LOC400499: variants seen among roughly 807,000 people sequenced by gnomAD.
At chr16:11,445,815 A>T in the LOC400499 span, among the ~76,000 whole-genome samples, 1 of 147,008 alleles carries the variant, frequency 6.8e-6, no homozygotes, top group Non-Finnish European at 1.5e-5. Context: ...AATGAAACAG[A>T]GAACCCAGTC....
At chr16:11,423,476 AG>A in the LOC400499 span, among the ~76,000 whole-genome samples, 1 of 152,248 alleles carries the variant, frequency 6.6e-6, no homozygotes, top group African/African-American at 2.4e-5. Flanking sequence ...CCTCCACGCC[AG>A]GCACGGTGCT....
At chr16:11,521,640 G>C in the LOC400499 span, among the ~76,000 whole-genome samples, 1 of 152,086 alleles carries the variant, frequency 6.6e-6, no homozygotes, top group Admixed American at 6.6e-5. Context: ...ATGGCTCTCA[G>C]TCCACCCCTA....
the LOC400499 span, among the ~76,000 whole-genome samples, chr16:11,497,460 C>T: frequency 4.6e-5 from 7 of 152,270 alleles, no homozygotes; most frequent in South Asian, 4.1e-4. Flanking sequence ...TGGGAGGGGC[C>T]GCCTGCTGGA....
the LOC400499 span, among the ~76,000 whole-genome samples, chr16:11,526,295 G>T: frequency 6.6e-5 from 10 of 152,266 alleles, no homozygotes; most frequent in African/African-American, 2.4e-4. Flanking sequence ...TTTCAGCCTG[G>T]TGCAGTGGCT....
chr16:11,391,769 T>A, the LOC400499 span: 15 of 1,232,120 alleles, frequency 1.2e-5, no homozygotes, highest in Non-Finnish European at 1.5e-5. Context: ...AAGTGGCTAC[T>A]GCCCAACCAC....
chr16:11,506,772 A>G, the LOC400499 span, among the ~76,000 whole-genome samples: 3 of 152,034 alleles, frequency 2.0e-5, no homozygotes, highest in Non-Finnish European at 4.4e-5. Flanking sequence ...TGAAAAACAA[A>G]CCTTGTCTCC....
the LOC400499 span, among the ~76,000 whole-genome samples, chr16:11,517,275 G>A: frequency 2.0e-5 from 3 of 152,062 alleles, no homozygotes; most frequent in African/African-American, 7.2e-5. Context: ...CCCTGAAAAT[G>A]GTGCATAAGC....
chr16:11,508,908 G>C, the LOC400499 span: 2 of 398,814 alleles, frequency 5.0e-6, no homozygotes, highest in Non-Finnish European at 8.8e-6. Flanking sequence ...GCCAGAGTGA[G>C]CTAGAAAGCC....
At chr16:11,443,159 A>G in the LOC400499 span, among the ~76,000 whole-genome samples, 1 of 151,744 alleles carries the variant, frequency 6.6e-6, no homozygotes, top group Non-Finnish European at 1.5e-5. Context: ...CCCCAACTCT[A>G]CTAAAAGTAC....
the LOC400499 span, among the ~76,000 whole-genome samples, chr16:11,439,753 G>A: frequency 1.3e-5 from 2 of 152,042 alleles, no homozygotes; most frequent in Admixed American, 1.3e-4. Context: ...CTGTGCTACT[G>A]AAAAAGGTTG....
the LOC400499 span, among the ~76,000 whole-genome samples, chr16:11,413,733 T>A: frequency 6.6e-6 from 1 of 152,306 alleles, no homozygotes; most frequent in East Asian, 1.9e-4. Flanking sequence ...TTCTTCTTCA[T>A]CTTTGCCTTC....
At chr16:11,404,265 CT>C in the LOC400499 span, among the ~76,000 whole-genome samples, 5 of 152,212 alleles carry the variant, frequency 3.3e-5, no homozygotes, top group African/African-American at 9.6e-5. Context: ...TGCTCAATGC[CT>C]GTCTCCCTGA....
At chr16:11,461,993 G>T in the LOC400499 span, 1 of 896,794 alleles carries the variant, frequency 1.1e-6, no homozygotes, top group Non-Finnish European at 1.6e-6. Context: ...GCTTGGATCT[G>T]CCCTTGGATG....
the LOC400499 span, among the ~76,000 whole-genome samples, chr16:11,502,835 C>T: frequency 1.3e-5 from 2 of 150,750 alleles, no homozygotes; most frequent in Admixed American, 6.6e-5. Flanking sequence ...AGGATGGTCT[C>T]GATCTCCTGA....
chr16:11,421,512 C>T, the LOC400499 span, among the ~76,000 whole-genome samples: 4 of 152,250 alleles, frequency 2.6e-5, no homozygotes, highest in East Asian at 3.9e-4. Context: ...AACGATTCTC[C>T]TGCCTCCGCC....
chr16:11,385,292 C>T, the LOC400499 span: 4 of 1,232,172 alleles, frequency 3.2e-6, no homozygotes, highest in South Asian at 4.1e-5. Flanking sequence ...TCCGACTCAG[C>T]GTCAGCGAGA....
chr16:11,378,013 C>A, the LOC400499 span, among the ~76,000 whole-genome samples: 1 of 152,154 alleles, frequency 6.6e-6, no homozygotes, highest in Admixed American at 6.5e-5. Flanking sequence ...TATTTCTGCT[C>A]TAAACTTTAT....
At chr16:11,460,263 C>A in the LOC400499 span, among the ~76,000 whole-genome samples, 1 of 152,196 alleles carries the variant, frequency 6.6e-6, no homozygotes. Context: ...GTGGCGCCAT[C>A]TTTGCTCACT....
At chr16:11,375,998 C>G in the LOC400499 span, among the ~76,000 whole-genome samples, 1 of 152,184 alleles carries the variant, frequency 6.6e-6, no homozygotes, top group African/African-American at 2.4e-5. Context: ...CTCGGGCTCC[C>G]AAAGTGCTGG....
Sources: allele counts gnomAD v4.1 joint callset (sites outside exome capture counted in the v4.1 genomes callset), GRCh38; gene constraint gnomAD v4.1.1; transcripts MANE v1.5.